UBASH3B: variants seen among roughly 807,000 people sequenced by gnomAD.
UBASH3B encodes the protein ubiquitin associated and SH3 domain containing B.
UBASH3B carries 37 observed loss-of-function variants against 83.4 expected under a neutral mutation model. The ratio of observed to expected loss-of-function variants is 0.44; its 90% CI spans 0.34 to 0.58. UBASH3B has a LOEUF of 0.58. UBASH3B is among the 20% of genes least tolerant of loss of function. The probability of loss-of-function intolerance (pLI) is 0.01; values close to 1 mark genes in which losing one functional copy is unlikely to be tolerated. For missense variants in UBASH3B, 657 were observed against 827.2 expected, an observed-to-expected ratio of 0.79 and a Z score of 2.52; for synonymous variants, 304 against 318.3, an observed-to-expected ratio of 0.96 and a Z score of 0.48.
intron 2 of UBASH3B, 110 bp from the exon 3 acceptor site, chr11:122,776,914 G>A (rs1351925345): frequency 3.8e-6 from 4 of 1,048,856 alleles, no homozygotes; most frequent in Non-Finnish European, 4.1e-6. Flanking sequence ...ACCCTTCCCC[G>A]CGCTGTGCCG....
At chr11:122,771,460 C>G (rs1489462342) in intron 1 of UBASH3B, among the ~76,000 whole-genome samples, 2 of 152,132 alleles carry the variant, frequency 1.3e-5, no homozygotes, top group Non-Finnish European at 1.5e-5. Context: ...AGGCTGGTCT[C>G]GAACTCCTCT....
At chr11:122,778,590 A>ATTTTTTTTTTTTTTTT (rs138539169) in intron 3 of UBASH3B, among the ~76,000 whole-genome samples, 34 of 118,086 alleles carry the variant, frequency 2.9e-4, no homozygotes, top group African/African-American at 5.1e-4. Context: ...GAGAACTTTG[A>ATTTTTTTTTTTTTTTT]TTTTTTTTTT....
At chr11:122,658,712 C>T (rs1347796547) in intron 1 of UBASH3B, among the ~76,000 whole-genome samples, 1 of 152,170 alleles carries the variant, frequency 6.6e-6, no homozygotes, top group African/African-American at 2.4e-5. Flanking sequence ...CCATCTAGGG[C>T]CAGTAGGGCC....
chr11:122,673,668 T>G (rs1863629345), intron 1 of UBASH3B, among the ~76,000 whole-genome samples: 1 of 152,004 alleles, frequency 6.6e-6, no homozygotes, highest in Non-Finnish European at 1.5e-5. Context: ...CTTAAAAAAG[T>G]TCCAGAAGGC....
Position 122,760,626 on chromosome 11 carries a change from G to A in UBASH3B, c.162-15593G>A, listed in dbSNP as rs566006027. On this transcript the variant is annotated intron_variant, in intron 1 of 13. Coordinates refer to ENST00000284273, the MANE Select transcript of UBASH3B (RefSeq NM_032873.5). Reference sequence around the variant, plus strand: ...TCCACCCACCTTGGCCTCCCAAAATGCTGGGATTACAGGTGTGAGCCACTG... The same window carrying A: ...TCCACCCACCTTGGCCTCCCAAAATACTGGGATTACAGGTGTGAGCCACTG... Among the ~76,000 whole-genome samples the A allele has an allele frequency of 5.1e-4, 78 of 152,314 alleles. 2 individuals carry two copies. In the South Asian group the frequency reaches 0.015, roughly 30 times the overall value.
rs1346753699 is a variant in UBASH3B, at chr11:122,810,640, TTCAA to T, written c.*758_*761del. ...AAAGATAAGATACATGTTTGAAGTA[TTCAA>T]TCATAGGAGCAAAGAACTTGCAAAA... On this transcript the variant is annotated 3_prime_UTR_variant, in exon 14 of 14. Coordinates refer to ENST00000284273, the MANE Select transcript of UBASH3B (RefSeq NM_032873.5). The T allele has an allele frequency of 6.6e-6, 1 of 152,624 alleles. No individual in the cohort carries two copies. Among genetic ancestry groups the T allele is most frequent in the Admixed American group, 6.5e-5 (1 of 15,286 alleles). 9.5% of individuals were successfully genotyped at this position (152,624 alleles called of 1,614,324 possible).
At chr11:122,686,977 C>A (rs1863817425) in intron 1 of UBASH3B, among the ~76,000 whole-genome samples, 1 of 152,070 alleles carries the variant, frequency 6.6e-6, no homozygotes, top group African/African-American at 2.4e-5. Context: ...AAGTGATTCT[C>A]CTGCCTCAGC....
intron 5 of UBASH3B, among the ~76,000 whole-genome samples, chr11:122,785,493 TCCTC>T (rs1860931455): frequency 6.6e-6 from 1 of 152,192 alleles, no homozygotes; most frequent in Non-Finnish European, 1.5e-5. Context: ...AAGGCCTCAT[TCCTC>T]TGCTATTTAG....
chr11:122,706,472 T>C (rs1864121398), intron 1 of UBASH3B, among the ~76,000 whole-genome samples: 1 of 152,226 alleles, frequency 6.6e-6, no homozygotes, highest in African/African-American at 2.4e-5. Flanking sequence ...AATAGCTTTG[T>C]TGCTAACAAC....
At chr11:122,795,033 G>A (rs1204889627) in intron 7 of UBASH3B, among the ~76,000 whole-genome samples, 199 bp downstream of exon 7, 1 of 152,194 alleles carries the variant, frequency 6.6e-6, no homozygotes, top group Non-Finnish European at 1.5e-5. Flanking sequence ...GTTACTTCCA[G>A]CATTTGAACC....
At chr11:122,728,794 C>T (rs989776703) in intron 1 of UBASH3B, among the ~76,000 whole-genome samples, 2 of 152,228 alleles carry the variant, frequency 1.3e-5, no homozygotes, top group Non-Finnish European at 2.9e-5. Context: ...CATCTGTGTA[C>T]TTCTAACATC....
At chr11:122,674,728 T>G (rs1466123911) in intron 1 of UBASH3B, among the ~76,000 whole-genome samples, 3 of 83,778 alleles carry the variant, frequency 3.6e-5, no homozygotes, top group African/African-American at 7.9e-5. Flanking sequence ...CAGTTAGTTT[T>G]TTTTTTTTTT....
chr11:122,683,727 T>G (rs1230393687), intron 1 of UBASH3B, among the ~76,000 whole-genome samples: 1 of 143,632 alleles, frequency 7.0e-6, no homozygotes, highest in Admixed American at 7.5e-5. Context: ...TCAATTGCCT[T>G]ATAATTAAAA....
intron 1 of UBASH3B, among the ~76,000 whole-genome samples, chr11:122,751,672 A>G (rs1861201686): frequency 6.6e-6 from 1 of 152,190 alleles, no homozygotes; most frequent in Non-Finnish European, 1.5e-5. Context: ...AAGGGAATGG[A>G]GTCTGGAGCC....
intron 1 of UBASH3B, among the ~76,000 whole-genome samples, chr11:122,753,509 T>C (rs1035826604): frequency 6.7e-6 from 1 of 149,766 alleles, no homozygotes; most frequent in African/African-American, 2.4e-5. Flanking sequence ...TTTTTTTTTT[T>C]TTTTTGGTGA....
chr11:122,656,293 C>G, intron 1 of UBASH3B, 83 bp downstream of exon 1: 1 of 1,252,980 alleles, frequency 8.0e-7, no homozygotes, highest in Non-Finnish European at 1.0e-6. Flanking sequence ...CGCCTCCCAG[C>G]GCCTGCGGGA....
chr11:122,680,343 T>G (rs1326124272), intron 1 of UBASH3B, among the ~76,000 whole-genome samples: 1 of 152,166 alleles, frequency 6.6e-6, no homozygotes, highest in Non-Finnish European at 1.5e-5. Flanking sequence ...CTACACTAAG[T>G]CCTTATTTTC....
At chr11:122,693,802 C>T (rs554408450) in intron 1 of UBASH3B, among the ~76,000 whole-genome samples, 2 of 152,166 alleles carry the variant, frequency 1.3e-5, no homozygotes, top group South Asian at 2.1e-4. Context: ...ACCCGGGAGG[C>T]GGAGGTTGCA....
intron 1 of UBASH3B, among the ~76,000 whole-genome samples, chr11:122,668,587 G>A (rs1591761267): frequency 6.6e-6 from 1 of 152,146 alleles, no homozygotes; most frequent in Admixed American, 6.6e-5. Context: ...GTAAGAACAA[G>A]CGATATTCTG....
Sources: allele counts gnomAD v4.1 joint callset (sites outside exome capture counted in the v4.1 genomes callset), GRCh38; gene constraint gnomAD v4.1.1; transcripts MANE v1.5; gene names NCBI Gene and HGNC (gene_info 2026-07-23, HGNC 2026-07-21).